KCNAB2: variants seen among roughly 807,000 people sequenced by gnomAD.
KCNAB2 encodes the protein potassium voltage-gated channel subfamily A regulatory beta subunit 2.
A neutral mutation model predicts 63.6 loss-of-function variants in KCNAB2; 29 were observed. The ratio of observed to expected loss-of-function variants is 0.46; its 90% confidence interval spans 0.34 to 0.62. The LOEUF (loss-of-function observed/expected upper bound fraction) is 0.62, where lower values mean the gene tolerates loss of function less well. KCNAB2 is among the 20% of genes least tolerant of loss of function. The pLI, the probability that KCNAB2 is intolerant of heterozygous loss-of-function variation, is 0.01. For missense variants in KCNAB2, 359 were observed against 563.9 expected, an observed-to-expected ratio of 0.64 and a Z score of 3.68; for synonymous variants, 222 against 224.2, an observed-to-expected ratio of 0.99 and a Z score of 0.09.
chr1:6,057,962 G>GACTCTGTCTCTA (rs1661982079), intron 2 of KCNAB2, among the ~76,000 whole-genome samples: 1 of 152,152 alleles, frequency 6.6e-6, no homozygotes, highest in South Asian at 2.1e-4. Context: ...ACCAGCCTGA[G>GACTCTGTCTCTA]CAATGTGGCA....
Sources: allele counts gnomAD v4.1 joint callset (sites outside exome capture counted in the v4.1 genomes callset), GRCh38; gene constraint gnomAD v4.1.1; transcripts MANE v1.5; gene names NCBI Gene and HGNC (gene_info 2026-07-23, HGNC 2026-07-21).